The following PALD1 variants were observed in gnomAD, a reference collection of about 807,000 sequenced individuals.
PALD1 encodes the protein phosphatase domain containing paladin 1.
PALD1 carries 57 observed loss-of-function variants against 96.0 expected under a neutral mutation model. That is an observed-to-expected ratio of 0.59 (90% CI 0.48 to 0.74). The LOEUF is 0.74. Among genes scored for constraint, PALD1 ranks in the 30% least tolerant of loss-of-function variants. The pLI is 0.00. For synonymous variants in PALD1, 464 were observed against 473.6 expected (o/e 0.98, Z 0.26); for missense variants, 1,063 against 1,143.7 (o/e 0.93, Z 1.02).
intron 17 of PALD1, among the ~76,000 whole-genome samples, chr10:70,542,277 G>T (rs575889299): frequency 1.3e-5 from 2 of 152,180 alleles, no homozygotes; most frequent in African/African-American, 4.8e-5. Flanking sequence ...TTTTCTTTAT[G>T]TGGTAAAATA....
intron 1 of PALD1, among the ~76,000 whole-genome samples, chr10:70,498,347 C>A (rs1372188264): frequency 1.3e-5 from 2 of 152,152 alleles, no homozygotes; most frequent in East Asian, 3.8e-4. Context: ...TGGCATGGTC[C>A]TAGCTCACTG....
chr10:70,549,118 G>A (rs372509493), intron 18 of PALD1, among the ~76,000 whole-genome samples: 3 of 151,704 alleles, frequency 2.0e-5, no homozygotes, highest in South Asian at 4.2e-4. Context: ...TTCAGAAGAC[G>A]GACTTTGGTG....
At chr10:70,493,681 T>A (rs1356971474) in intron 1 of PALD1, among the ~76,000 whole-genome samples, 1 of 152,220 alleles carries the variant, frequency 6.6e-6, no homozygotes, top group Non-Finnish European at 1.5e-5. Context: ...ACTGCAAAGC[T>A]GTCCGTGGTT....
chr10:70,519,324 A>T (rs561716584), intron 1 of PALD1, among the ~76,000 whole-genome samples: 1 of 152,280 alleles, frequency 6.6e-6, no homozygotes, highest in East Asian at 1.9e-4. Context: ...TTTATGTTTC[A>T]TGGTTCTAGA....
chr10:70,535,945 C>G (rs1847107038), intron 10 of PALD1, among the ~76,000 whole-genome samples: 1 of 152,158 alleles, frequency 6.6e-6, no homozygotes, highest in South Asian at 2.1e-4. Flanking sequence ...GCCTTGGCCT[C>G]CCAAAACACT....
intron 1 of PALD1, among the ~76,000 whole-genome samples, chr10:70,519,597 C>T (rs1398098808): frequency 2.9e-5 from 4 of 138,592 alleles, no homozygotes; most frequent in African/African-American, 1.2e-4. Flanking sequence ...TTTTGTGAGA[C>T]GAAGTCTGGC....
Position 70,539,328 on chromosome 10 carries a change from A to G in PALD1, c.1725+81A>G. 7.3e-7 allele frequency: 1 copy of G among 1,360,702 alleles called. No homozygotes were observed. The highest frequency in any genetic ancestry group is 1.5e-5 in the African/African-American group (1 of 68,918). The allele number at this position is 1,360,702 out of a possible 1,614,324, so 84.3% of individuals were successfully genotyped here. ...TGGGAGGGTCTTCAGAAGGCCTCAC[A>G]CTCCCGCAGACAGATGGAGAATCTG... On this transcript the variant is annotated intron_variant, in intron 14 of 19. Transcript: ENST00000263563. The surrounding 1 kb of genome is among the most constrained non-coding windows in gnomAD (Gnocchi z 4.5).
chr10:70,553,058 TG>T (rs545810235), intron 18 of PALD1, among the ~76,000 whole-genome samples: 2 of 152,314 alleles, frequency 1.3e-5, no homozygotes, highest in Admixed American at 1.3e-4. Flanking sequence ...GAATGGTTAC[TG>T]GGGGTGCCGT....
chr10:70,560,774 A>C (rs2132443623), intron 18 of PALD1, among the ~76,000 whole-genome samples: 1 of 151,666 alleles, frequency 6.6e-6, no homozygotes, highest in African/African-American at 2.4e-5. Context: ...TGCCCCGGCC[A>C]CCTCTCCTGG....
rs1217171466 is a variant in PALD1 at position 70,566,744 on chromosome 10, T to C, written c.*11T>C. 1 of 1,562,270 alleles carries C rather than the reference T, an allele frequency of 6.4e-7. No homozygotes were observed. Among genetic ancestry groups the C allele is most frequent in the Non-Finnish European group, 8.7e-7 (1 of 1,151,684 alleles). On this transcript the variant is annotated 3_prime_UTR_variant, in exon 20 of 20. Transcript: ENST00000263563. ...GAGGACTTGCTGTAGGGGGCCTTAC[T>C]CCCTGTCCCCCCACCCACAGGGCCC...
chr10:70,501,359 C>T (rs1846291392), intron 1 of PALD1, among the ~76,000 whole-genome samples: 1 of 152,226 alleles, frequency 6.6e-6, no homozygotes, highest in African/African-American at 2.4e-5. Context: ...AAGAACCATC[C>T]TGAGAACTAA....
chr10:70,544,680 G>A (rs532691658), intron 17 of PALD1, among the ~76,000 whole-genome samples: 1 of 152,294 alleles, frequency 6.6e-6, no homozygotes, highest in Non-Finnish European at 1.5e-5. Flanking sequence ...CAGAGGCCAG[G>A]AGTTGGGTTC....
rs1308572672 is a variant in PALD1 at position 70,532,980 on chromosome 10, T to C, written c.795-15T>C. The C allele has an allele frequency of 3.8e-6, 6 of 1,570,012 alleles. No individual in the cohort carries two copies. The highest frequency in any genetic ancestry group is 5.2e-6 in the Non-Finnish European group (6 of 1,157,376). On this transcript the variant is annotated splice_polypyrimidine_tract_variant and intron_variant, in intron 6 of 19. Coordinates refer to ENST00000263563, the MANE Select transcript of PALD1 (RefSeq NM_014431.3). ...GTGGGTGCCTGCCTGATGGCTGCTC[T>C]CCCTCACCTGGCAGGTACCACCGCC...
Position 70,567,016 on chromosome 10 carries a change from A to C in PALD1, c.*283A>C. On this transcript the variant is annotated 3_prime_UTR_variant, in exon 20 of 20. Coordinates refer to ENST00000263563, the MANE Select transcript of PALD1 (RefSeq NM_014431.3). ...GTGCACACTGCTGTGTGTACCTTGC[A>C]GACAGGCCGGCGTTCAGCCTCCAAG... The C allele has an allele frequency of 2.7e-6, 1 of 368,774 alleles. No homozygotes were observed. Among genetic ancestry groups the C allele is most frequent in the South Asian group, 5.8e-5 (1 of 17,142 alleles). The allele number at this position is 368,774 out of a possible 1,614,324, so 22.8% of individuals were successfully genotyped here. A position where few individuals can be genotyped will look rare whatever the true frequency, so the allele number is the denominator to read the frequency against.
chr10:70,538,745 G>T, intron 12 of PALD1, 147 bp from the exon 13 acceptor site: 1 of 704,380 alleles, frequency 1.4e-6, no homozygotes, highest in East Asian at 2.5e-5. Context: ...TGCCAGGGCC[G>T]GGGGAAGCTC....
At chr10:70,537,993 G>A (rs1847151124) in intron 11 of PALD1, 87 bp downstream of exon 11, 1 of 1,043,278 alleles carries the variant, frequency 9.6e-7, no homozygotes, top group South Asian at 1.3e-5. Flanking sequence ...GCTGTGGAGG[G>A]AGACCCCCCA....
the PALD1 span, among the ~76,000 whole-genome samples, chr10:70,470,703 G>A: frequency 1.3e-5 from 2 of 151,280 alleles, no homozygotes; most frequent in African/African-American, 2.4e-5. Flanking sequence ...CTGCCTCCTG[G>A]GTTCAAGCGA....
At chr10:70,508,100 C>T (rs772995347) in intron 1 of PALD1, among the ~76,000 whole-genome samples, 1 of 152,138 alleles carries the variant, frequency 6.6e-6, no homozygotes, top group African/African-American at 2.4e-5. Flanking sequence ...GGTGTGTGGC[C>T]CTCAAACTTC....
chr10:70,501,433 C>T (rs1403007112), intron 1 of PALD1, among the ~76,000 whole-genome samples: 1 of 152,202 alleles, frequency 6.6e-6, no homozygotes, highest in Non-Finnish European at 1.5e-5. Context: ...GAGCGAGGCT[C>T]AGAGAGGCCA....
Sources: gnomAD v4.1 joint callset for allele counts (sites outside exome capture counted in the v4.1 genomes callset) on GRCh38, gnomAD v4.1.1 for gene constraint, Gnocchi (gnomAD v3.1) non-coding constraint, MANE v1.5 for transcripts, NCBI Gene and HGNC (gene_info 2026-07-23, HGNC 2026-07-21) for gene names.